SH3RF3: variants seen among roughly 807,000 people sequenced by gnomAD.
The protein encoded by SH3RF3 is SH3 domain containing ring finger 3, also known as E3 ubiquitin-protein ligase SH3RF3.
SH3RF3 carries 29 observed loss-of-function variants against 66.3 expected under a neutral mutation model. That is an observed-to-expected ratio of 0.44 (90% CI 0.33 to 0.60). The LOEUF (loss-of-function observed/expected upper bound fraction) is 0.60. Ranked by LOEUF, SH3RF3 falls within the 20% of genes least tolerant of loss-of-function variation. The probability of loss-of-function intolerance (pLI) is 0.04; values close to 1 mark genes in which losing one functional copy is unlikely to be tolerated. For synonymous variants in SH3RF3, 583 were observed against 532.0 expected, an observed-to-expected ratio of 1.10 and a Z score of -1.32; for missense variants, 1,194 against 1,190.9, an observed-to-expected ratio of 1.00 and a Z score of -0.04.
At chr2:109,170,585 CG>C (rs2104945130) in intron 1 of SH3RF3, among the ~76,000 whole-genome samples, 1 of 152,174 alleles carries the variant, frequency 6.6e-6, no homozygotes, top group African/African-American at 2.4e-5. Flanking sequence ...ACCTCAACCT[CG>C]TGATCCACCC....
chr2:109,251,300 C>T, intron 1 of SH3RF3: 3 of 401,932 alleles, frequency 7.5e-6, no homozygotes, highest in East Asian at 6.1e-5. Flanking sequence ...AGCCACCATG[C>T]CCGGCCCAAA....
At chr2:109,412,403 TGCTGGTTTGGGACAGCTTG>T in intron 4 of SH3RF3, among the ~76,000 whole-genome samples, 1 of 152,378 alleles carries the variant, frequency 6.6e-6, no homozygotes, top group East Asian at 1.9e-4. Flanking sequence ...GCTTGTGCTA[TGCTGGTTTGGGACAGCTTG>T]GCTGTTTCTG....
intron 4 of SH3RF3, among the ~76,000 whole-genome samples, chr2:109,409,762 A>G (rs2104480558): frequency 8.3e-6 from 1 of 120,522 alleles, no homozygotes; most frequent in African/African-American, 3.5e-5. Flanking sequence ...TCTTTGCAGA[A>G]TCAAGCAGAA....
chr2:109,492,407 A>G (rs1558644517), intron 9 of SH3RF3, among the ~76,000 whole-genome samples: 1 of 152,086 alleles, frequency 6.6e-6, no homozygotes, highest in Non-Finnish European at 1.5e-5. Flanking sequence ...TCTGCTAACC[A>G]GTGAGAACGG....
intron 1 of SH3RF3, among the ~76,000 whole-genome samples, chr2:109,136,315 A>G (rs1676813917): frequency 6.6e-6 from 1 of 152,024 alleles, no homozygotes; most frequent in Non-Finnish European, 1.5e-5. Context: ...TTTTTATCAG[A>G]TTTGCCTTGC....
chr2:109,402,902 G>A (rs1260329687), intron 4 of SH3RF3, among the ~76,000 whole-genome samples: 3 of 152,156 alleles, frequency 2.0e-5, no homozygotes, highest in Admixed American at 1.3e-4. Context: ...CAAACAGCAG[G>A]CGTCTGCCCT....
chr2:109,221,684 C>T (rs933495843), intron 1 of SH3RF3, among the ~76,000 whole-genome samples: 1 of 151,244 alleles, frequency 6.6e-6, no homozygotes, highest in Non-Finnish European at 1.5e-5. Context: ...TGAGAAATGT[C>T]TCTTCCTTTC....
Position 109,497,715 on chromosome 2 carries a change from A to C in SH3RF3, c.2481-3788A>C, listed in dbSNP as rs147326751. On this transcript the variant is annotated intron_variant, in intron 9 of 9. Coordinates refer to ENST00000309415, the MANE Select transcript of SH3RF3 (RefSeq NM_001099289.3). ...AATGATCTGGACAGAAACGTTAAACACTTGTCTCGTATAAATTCAGCCCAC... is the reference window on the plus strand; with the variant it reads ...AATGATCTGGACAGAAACGTTAAACCCTTGTCTCGTATAAATTCAGCCCAC... Among the ~76,000 whole-genome samples the C allele has an allele frequency of 9.4e-4, 143 of 152,334 alleles. 1 individual carries two copies. The highest frequency in any genetic ancestry group is 2.8e-3 in the African/African-American group (118 of 41,592).
chr2:109,146,185 C>A (rs2104850911), intron 1 of SH3RF3, among the ~76,000 whole-genome samples: 1 of 152,258 alleles, frequency 6.6e-6, no homozygotes, highest in South Asian at 2.1e-4. Context: ...GCATGGTACA[C>A]TAATAATGGC....
At chr2:109,478,981 AG>A (rs1241683348) in intron 8 of SH3RF3, among the ~76,000 whole-genome samples, 3 of 152,328 alleles carry the variant, frequency 2.0e-5, no homozygotes, top group Middle Eastern at 6.8e-3. Flanking sequence ...GAGAACCTGC[AG>A]GTTTCGAGAT....
intron 1 of SH3RF3, among the ~76,000 whole-genome samples, chr2:109,315,715 C>T (rs17035411): frequency 0.31 from 47,490 of 152,128 alleles, 9,198 homozygotes; most frequent in African/African-American, 0.55. Context: ...CCCAGGGTTC[C>T]TCTGGGGCTC....
intron 1 of SH3RF3, among the ~76,000 whole-genome samples, chr2:109,266,249 CTG>C (rs1558990928): frequency 5.5e-5 from 8 of 144,336 alleles, no homozygotes; most frequent in Admixed American, 1.4e-4. Flanking sequence ...GTTGTGTGTG[CTG>C]TGTGTGTTGT....
intron 8 of SH3RF3, among the ~76,000 whole-genome samples, chr2:109,457,170 G>A (rs865985099): frequency 1.3e-5 from 2 of 152,140 alleles, no homozygotes; most frequent in East Asian, 3.8e-4. Context: ...TTAGTTTGAC[G>A]AATGCATAAC....
intron 9 of SH3RF3, among the ~76,000 whole-genome samples, chr2:109,500,657 A>T (rs1162079677): frequency 6.6e-6 from 1 of 152,216 alleles, no homozygotes; most frequent in Non-Finnish European, 1.5e-5. Context: ...CACATTTAAA[A>T]ATAAGGACAG....
intron 1 of SH3RF3, among the ~76,000 whole-genome samples, chr2:109,233,035 G>A (rs1027254728): frequency 2.0e-5 from 3 of 152,114 alleles, no homozygotes; most frequent in Non-Finnish European, 2.9e-5. Flanking sequence ...TGGGAAGCAC[G>A]CAGATGAGTG....
intron 2 of SH3RF3, among the ~76,000 whole-genome samples, chr2:109,360,118 AG>A (rs1355583776): frequency 6.6e-6 from 1 of 151,736 alleles, no homozygotes; most frequent in Non-Finnish European, 1.5e-5. Context: ...ACAGCATCAT[AG>A]GTAGAGACTG....
chr2:109,294,152 G>A (rs1574555353), intron 1 of SH3RF3, among the ~76,000 whole-genome samples: 1 of 152,162 alleles, frequency 6.6e-6, no homozygotes, highest in South Asian at 2.1e-4. Context: ...TACTCTGCCC[G>A]AAAGTCTTTC....
At chr2:109,372,919 C>A (rs989397866) in intron 3 of SH3RF3, among the ~76,000 whole-genome samples, 2 of 152,220 alleles carry the variant, frequency 1.3e-5, no homozygotes, top group African/African-American at 4.8e-5. Flanking sequence ...TCTGTCAATT[C>A]CCCGTTGCCT....
rs1391951188 is a variant in SH3RF3, at chr2:109,129,737, C to A, written c.197C>A (p.Thr66Asn). The A allele has an allele frequency of 1.3e-6, 2 of 1,539,246 alleles. No individual in the cohort carries two copies. The highest frequency in any genetic ancestry group is 2.0e-5 in the Admixed American group (1 of 50,542). The change falls in exon 1 of 10, where the codon ACC (threonine) becomes AAC (asparagine). Residue 66 changes from threonine to asparagine, a missense_variant. Physicochemically the swap from Thr to Asn is moderately conservative, Grantham distance 65. Coordinates refer to ENST00000309415, the MANE Select transcript of SH3RF3 (RefSeq NM_001099289.3). ...ECSVCLERLDTTAKVLPCQHT... is the reference protein window; with the variant it reads ...ECSVCLERLDNTAKVLPCQHT... ...TCCGTGTGTCTGGAGCGCCTGGACA[C>A]CACGGCCAAGGTGCTGCCATGCCAA...
Sources: allele counts gnomAD v4.1 joint callset (sites outside exome capture counted in the v4.1 genomes callset), GRCh38; gene constraint gnomAD v4.1.1; transcripts MANE v1.5; gene names NCBI Gene and HGNC (gene_info 2026-07-23, HGNC 2026-07-21).